The following DMD variants were observed in gnomAD, a reference collection of about 807,000 sequenced individuals.
DMD encodes mutant dystrophin.
A neutral mutation model predicts 330.1 loss-of-function variants in DMD; 63 were observed. The ratio of observed to expected loss-of-function variants is 0.19; its 90% CI spans 0.16 to 0.24. The LOEUF (loss-of-function observed/expected upper bound fraction) is 0.24. DMD is among the 10% of genes least tolerant of loss of function. DMD has a pLI of 1.00. For synonymous variants in DMD, 1,223 were observed against 959.8 expected (o/e 1.27, Z -5.07); for missense variants, 3,344 against 2,684.1 (o/e 1.25, Z -5.43).
At chrX:31,237,821 G>C (rs2047877329) in intron 63 of DMD, among the ~76,000 whole-genome samples, 1 of 111,434 alleles carries the variant, frequency 9.0e-6, no homozygotes, top group Admixed American at 9.5e-5. Context: ...CTGGGTTCAA[G>C]TGATGCTTGT....
At chrX:32,851,161 A>T (rs1034294512) in intron 2 of DMD, among the ~76,000 whole-genome samples, 1 of 111,146 alleles carries the variant, frequency 9.0e-6, no homozygotes, top group Non-Finnish European at 1.9e-5. Flanking sequence ...CAGGCAAAAG[A>T]CATCCCTTAA....
intron 52 of DMD, among the ~76,000 whole-genome samples, chrX:31,702,798 T>C (rs2083905795): frequency 1.8e-5 from 2 of 110,256 alleles, no homozygotes; most frequent in Admixed American, 1.9e-4. Context: ...GAACCACTGA[T>C]TTAATGTTAG....
intron 1 of DMD, among the ~76,000 whole-genome samples, chrX:33,111,201 C>A (rs2095336855): frequency 9.0e-6 from 1 of 111,484 alleles, no homozygotes; most frequent in African/African-American, 3.3e-5. Context: ...CTCAGCAGTC[C>A]CTACAACACA....
At chrX:31,203,404 A>G (rs774017053) in intron 67 of DMD, among the ~76,000 whole-genome samples, 51 of 110,858 alleles carry the variant, frequency 4.6e-4, no homozygotes, top group Middle Eastern at 9.3e-3. Flanking sequence ...ACTACGACAG[A>G]GAAAAAGCAA....
rs751802616 is a variant in DMD at position 32,731,224 on chromosome X, CAGG to C, written c.650-31934_650-31932del. 7.1e-5 allele frequency among the ~76,000 whole-genome samples: 8 copies of C among 112,305 alleles called. 1 individual carries two copies. In the South Asian group the frequency reaches 2.2e-3, roughly 31 times the overall value. ...CCGACGGGCTTAAAAAACGGCACAC[CAGG>C]AGATTATATCCTGCATCTGGCTCGG... is the stretch of plus-strand genomic sequence containing the variant. On this transcript the variant is annotated intron_variant, in intron 7 of 78. Transcript: ENST00000357033.
intron 46 of DMD, 36 bp from the exon 47 acceptor site, chrX:31,929,781 T>C: frequency 1.7e-6 from 2 of 1,204,881 alleles, no homozygotes; most frequent in South Asian, 3.5e-5. Context: ...TTAAAATGAA[T>C]TACAGCACAA....
At chrX:31,276,781 A>C (rs1250599299) in intron 62 of DMD, among the ~76,000 whole-genome samples, 3 of 112,240 alleles carry the variant, frequency 2.7e-5, no homozygotes, top group Non-Finnish European at 5.6e-5. Flanking sequence ...AACAGCATGG[A>C]TGAATCCAGG....
intron 4 of DMD, among the ~76,000 whole-genome samples, chrX:32,839,881 T>G (rs1389188767): frequency 7.2e-5 from 8 of 111,251 alleles, no homozygotes; most frequent in Non-Finnish European, 7.5e-5. Flanking sequence ...CAGCTAATTT[T>G]TGTGTTTTTA....
chrX:33,093,529 G>A (rs748109441), intron 1 of DMD, among the ~76,000 whole-genome samples: 1 of 111,618 alleles, frequency 9.0e-6, no homozygotes, highest in Non-Finnish European at 1.9e-5. Flanking sequence ...TACATATTTG[G>A]CTCTAGTCAA....
At position 32,077,755 on chromosome X, in the gene DMD, C is replaced by G. The variant is rs769669214; in HGVS notation, c.6439-109241G>C. Among the ~76,000 whole-genome samples the G allele has an allele frequency of 8.1e-5, 9 of 111,676 alleles. No homozygotes were observed. In the East Asian group the frequency reaches 2.5e-3, roughly 31 times the overall value. On this transcript the variant is annotated intron_variant, in intron 44 of 78. Transcript: ENST00000357033. ...ATCATTCTGTTCAAATTGCTCTTGTCCAGATCACCAAAAAATTATATGTTG... is the reference window on the plus strand; with the variant it reads ...ATCATTCTGTTCAAATTGCTCTTGTGCAGATCACCAAAAAATTATATGTTG...
At chrX:32,850,458 C>CT (rs922549448) in intron 2 of DMD, among the ~76,000 whole-genome samples, 5 of 107,479 alleles carry the variant, frequency 4.7e-5, no homozygotes, top group Non-Finnish European at 1.0e-4. Flanking sequence ...ACATTTTTAA[C>CT]GTAAATACTC....
At chrX:31,470,226 T>C (rs998204547) in intron 59 of DMD, among the ~76,000 whole-genome samples, 2 of 110,721 alleles carry the variant, frequency 1.8e-5, no homozygotes, top group Non-Finnish European at 3.8e-5. Context: ...TGGAGAGGAG[T>C]TGTGATCATT....
chrX:31,685,621 T>C (rs1422325211), intron 52 of DMD, among the ~76,000 whole-genome samples: 1 of 112,513 alleles, frequency 8.9e-6, no homozygotes, highest in Non-Finnish European at 1.9e-5. Flanking sequence ...CTGTAGAAGA[T>C]GCTGTCAGGG....
intron 1 of DMD, among the ~76,000 whole-genome samples, chrX:33,155,028 T>G (rs2048440422): frequency 8.9e-6 from 1 of 112,328 alleles, no homozygotes; most frequent in Non-Finnish European, 1.9e-5. Flanking sequence ...ATTCCAGAAG[T>G]ACAAGACAAA....
intron 44 of DMD, among the ~76,000 whole-genome samples, chrX:32,112,097 C>A (rs1439572841): frequency 2.7e-5 from 3 of 111,729 alleles, no homozygotes; most frequent in African/African-American, 9.8e-5. Flanking sequence ...TGTACTACGC[C>A]CTGAAGTCAG....
At chrX:32,178,830 G>GTGTGTGT (rs1569549001) in intron 44 of DMD, among the ~76,000 whole-genome samples, 3,514 of 99,137 alleles carry the variant, frequency 0.035, 96 homozygotes, top group African/African-American at 0.092. Flanking sequence ...TATTCCAGGG[G>GTGTGTGT]GTGTGTGTGT....
intron 63 of DMD, among the ~76,000 whole-genome samples, chrX:31,226,447 T>A (rs920385056): frequency 2.7e-5 from 3 of 112,365 alleles, no homozygotes; most frequent in Non-Finnish European, 5.6e-5. Context: ...AAGTATTCAA[T>A]AAATTAAAAG....
chrX:32,974,214 C>A (rs750352285), intron 2 of DMD, among the ~76,000 whole-genome samples: 1 of 111,448 alleles, frequency 9.0e-6, no homozygotes, highest in East Asian at 2.8e-4. Context: ...AGTATGATTC[C>A]ATTTATATGA....
intron 20 of DMD, among the ~76,000 whole-genome samples, chrX:32,487,096 A>G (rs2042557325): frequency 9.0e-6 from 1 of 110,726 alleles, no homozygotes; most frequent in Non-Finnish European, 1.9e-5. Context: ...TTTGCAACCT[A>G]CTCATCTGAC....
Sources: allele counts gnomAD v4.1 joint callset (sites outside exome capture counted in the v4.1 genomes callset), GRCh38; gene constraint gnomAD v4.1.1; transcripts MANE v1.5; gene names NCBI Gene and HGNC (gene_info 2026-07-23, HGNC 2026-07-21).